The following ABR variants were observed in gnomAD, a reference collection of about 807,000 sequenced individuals.
The protein encoded by ABR is ABR activator of RhoGEF and GTPase.
Under a neutral mutation model 107.2 loss-of-function variants are expected in ABR, and 35 were observed. The ratio of observed to expected loss-of-function variants is 0.33; its 90% CI spans 0.25 to 0.43. The LOEUF is 0.43. ABR is among the 20% of genes least tolerant of loss of function. The pLI is 1.00. For missense variants in ABR, 815 were observed against 1,115.2 expected (o/e 0.73, Z 3.83); for synonymous variants, 498 against 462.0 (o/e 1.08, Z -1.00).
chr17:1,040,364 A>T (rs1051168808), intron 16 of ABR, among the ~76,000 whole-genome samples: 2 of 152,164 alleles, frequency 1.3e-5, no homozygotes, highest in Admixed American at 1.3e-4. Flanking sequence ...TGAAACCAGA[A>T]GCTGCTCCCC....
chr17:1,121,233 GGA>G (rs2039331023), intron 2 of ABR, among the ~76,000 whole-genome samples: 1 of 152,242 alleles, frequency 6.6e-6, no homozygotes, highest in Admixed American at 6.5e-5. Context: ...GGCGTGCTGG[GGA>G]GAGAGGAGCA....
intron 16 of ABR, among the ~76,000 whole-genome samples, chr17:1,043,910 C>G (rs1567639652): frequency 6.6e-6 from 1 of 152,104 alleles, no homozygotes; most frequent in Non-Finnish European, 1.5e-5. Flanking sequence ...GGCCGGGGGG[C>G]GGGCAGGGGG....
chr17:1,132,506 G>A (rs7406528), intron 1 of ABR, among the ~76,000 whole-genome samples: 83,008 of 151,358 alleles, frequency 0.55, 23,042 homozygotes, highest in East Asian at 0.67. Flanking sequence ...AGCCTCCCGA[G>A]TAGCTGGGAT....
At chr17:1,195,790 C>G (rs1231752590) in intron 1 of ABR, among the ~76,000 whole-genome samples, 1 of 131,180 alleles carries the variant, frequency 7.6e-6, no homozygotes, top group Non-Finnish European at 1.5e-5. Context: ...CGCAACAGAG[C>G]GAGACTCTGT....
At chr17:1,146,277 A>ACACACAC (rs2040521097) in intron 1 of ABR, among the ~76,000 whole-genome samples, 1 of 143,854 alleles carries the variant, frequency 7.0e-6, no homozygotes, top group East Asian at 2.4e-4. Context: ...ACACACACAC[A>ACACACAC]CACACACACA....
chr17:1,017,136 C>G (rs577839753), intron 16 of ABR, among the ~76,000 whole-genome samples: 2 of 152,110 alleles, frequency 1.3e-5, no homozygotes, highest in Non-Finnish European at 2.9e-5. Context: ...ACCACTGCTC[C>G]GGGCACCTCT....
chr17:1,101,857 C>A (rs565095923), intron 2 of ABR, among the ~76,000 whole-genome samples: 2 of 152,110 alleles, frequency 1.3e-5, no homozygotes, highest in South Asian at 4.1e-4. Flanking sequence ...CCTCAGCCTC[C>A]CGAGTAGCTG....
At chr17:1,147,841 G>T (rs564384219) in intron 1 of ABR, among the ~76,000 whole-genome samples, 1 of 152,324 alleles carries the variant, frequency 6.6e-6, no homozygotes, top group South Asian at 2.1e-4. Flanking sequence ...GCAAGCTGCA[G>T]CCGCCCTTTT....
chr17:1,047,428 C>T (rs903098630), intron 16 of ABR, among the ~76,000 whole-genome samples: 1 of 152,212 alleles, frequency 6.6e-6, no homozygotes, highest in African/African-American at 2.4e-5. Flanking sequence ...TGAGGGCAGT[C>T]ACGGGGCGAG....
intron 1 of ABR, among the ~76,000 whole-genome samples, chr17:1,174,514 C>T (rs527645158): frequency 6.6e-6 from 1 of 152,342 alleles, no homozygotes; most frequent in African/African-American, 2.4e-5. Context: ...GACAGGCTTA[C>T]ATCTCCACTG....
chr17:1,112,956 C>A (rs1302302231), intron 2 of ABR, among the ~76,000 whole-genome samples: 1 of 92,796 alleles, frequency 1.1e-5, no homozygotes, highest in Non-Finnish European at 2.1e-5. Context: ...ATTTGTTAAC[C>A]ACCTGACCCA....
intron 9 of ABR, 123 bp from the exon 10 acceptor site, chr17:1,067,365 C>T (rs571853864): frequency 6.6e-6 from 6 of 908,556 alleles, no homozygotes; most frequent in South Asian, 3.6e-5. Context: ...GAAGCAAGAA[C>T]GATCCCTGCT....
intron 4 of ABR, among the ~76,000 whole-genome samples, chr17:1,086,060 C>T (rs934277225): frequency 2.0e-5 from 3 of 152,250 alleles, no homozygotes; most frequent in Non-Finnish European, 2.9e-5. Context: ...GCAGGAGAAT[C>T]GCTTGAACCC....
intron 8 of ABR, among the ~76,000 whole-genome samples, chr17:1,072,360 G>T (rs184757327): frequency 6.6e-6 from 1 of 151,926 alleles, no homozygotes; most frequent in East Asian, 1.9e-4. Context: ...ACCCGGTGCC[G>T]CCCGTGTGTG....
At chr17:1,117,401 T>C (rs1310727059) in intron 2 of ABR, among the ~76,000 whole-genome samples, 374 of 27,644 alleles carry the variant, frequency 0.014, no homozygotes, top group African/African-American at 0.016. Flanking sequence ...TCCCTGAGCC[T>C]GAGTTCCTCC....
At chr17:1,086,747 C>G (rs907597718) in intron 4 of ABR, among the ~76,000 whole-genome samples, 1 of 152,108 alleles carries the variant, frequency 6.6e-6, no homozygotes, top group Non-Finnish European at 1.5e-5. Context: ...GTGATCCACC[C>G]GCCTCCGCCT....
Position 1,071,469 on chromosome 17 carries a change from C to G in ABR, c.894+1145G>C, listed in dbSNP as rs757806491. ...TCACCCGGGCCCGGCTGCCAATCCA[C>G]GAAGGCAACTGTCCCTCTCATGCTT... On this transcript the variant is annotated intron_variant, in intron 8 of 22. Transcript: ENST00000302538. The surrounding 1 kb of genome is among the most constrained non-coding windows in gnomAD (Gnocchi z 5.1). 1.3e-5 allele frequency among the ~76,000 whole-genome samples: 2 copies of G among 152,226 alleles called. No homozygotes were observed. The highest frequency in any genetic ancestry group is 2.9e-5 in the Non-Finnish European group (2 of 68,038).
intron 1 of ABR, among the ~76,000 whole-genome samples, chr17:1,149,929 C>T (rs562629609): frequency 6.6e-6 from 1 of 152,316 alleles, no homozygotes; most frequent in Middle Eastern, 3.4e-3. Context: ...AATAACATAA[C>T]AACATCATCC....
chr17:1,025,165 G>A (rs1182170252), intron 16 of ABR, among the ~76,000 whole-genome samples: 1 of 148,488 alleles, frequency 6.7e-6, no homozygotes, highest in Non-Finnish European at 1.5e-5. Flanking sequence ...GCGTGGTGGC[G>A]GGCACCTGTA....
Sources: gnomAD v4.1 joint callset for allele counts (sites outside exome capture counted in the v4.1 genomes callset) on GRCh38, gnomAD v4.1.1 for gene constraint, Gnocchi (gnomAD v3.1) non-coding constraint, MANE v1.5 for transcripts, NCBI Gene and HGNC (gene_info 2026-07-23, HGNC 2026-07-21) for gene names.